DSG4: variants seen among roughly 807,000 people sequenced by gnomAD.
DSG4 encodes the protein desmoglein-4.
Under a neutral mutation model 93.1 loss-of-function variants are expected in DSG4, and 87 were observed. The ratio of observed to expected loss-of-function variants is 0.93; its 90% CI spans 0.79 to 1.12. The LOEUF is 1.12. Ranked by LOEUF, DSG4 falls within the 50% of genes most tolerant of loss-of-function variation. The probability of loss-of-function intolerance (pLI) is 0.00; values close to 1 mark genes in which losing one functional copy is unlikely to be tolerated. For missense variants in DSG4, 1,373 were observed against 1,285.7 expected, an observed-to-expected ratio of 1.07 and a Z score of -1.04; for synonymous variants, 432 against 452.9, an observed-to-expected ratio of 0.95 and a Z score of 0.59.
chr18:31,388,242 G>C (rs977383449), intron 3 of DSG4, 125 bp from the exon 4 acceptor site: 1 of 1,078,326 alleles, frequency 9.3e-7, no homozygotes. Flanking sequence ...ACAGGACTAA[G>C]TCATGGTGTC....
chr18:31,397,799 G>T (rs538995410), intron 8 of DSG4, among the ~76,000 whole-genome samples: 81 of 152,242 alleles, frequency 5.3e-4, no homozygotes, highest in Admixed American at 1.7e-3. Flanking sequence ...GGCCAAGGCA[G>T]GTGGATCACC....
intron 2 of DSG4, among the ~76,000 whole-genome samples, chr18:31,385,957 A>G (rs1279750069): frequency 6.6e-6 from 1 of 152,126 alleles, no homozygotes; most frequent in Non-Finnish European, 1.5e-5. Flanking sequence ...GTATACAAAT[A>G]GGCTTGCACA....
At chr18:31,394,622 A>G (rs2072285569) in intron 8 of DSG4, among the ~76,000 whole-genome samples, 1 of 151,764 alleles carries the variant, frequency 6.6e-6, no homozygotes, top group Non-Finnish European at 1.5e-5. Flanking sequence ...AATTATTATG[A>G]TATTAATTAA....
chr18:31,396,061 A>C (rs549010137), intron 8 of DSG4, among the ~76,000 whole-genome samples: 2 of 152,206 alleles, frequency 1.3e-5, no homozygotes, highest in African/African-American at 4.8e-5. Context: ...CTCTCTGTCA[A>C]TAACAGCCTC....
chr18:31,413,422 G>A lies in DSG4; in HGVS notation c.2950G>A (p.Glu984Lys). 1.9e-6 allele frequency: 3 copies of A among 1,613,814 alleles called. No individual in the cohort carries two copies. The highest frequency in any genetic ancestry group is 2.5e-6 in the Non-Finnish European group (3 of 1,179,798). The change falls in exon 16 of 16, where the codon GAG becomes AAG. Residue 984 changes from glutamate to lysine, a missense_variant. Glu to Lys is a moderately conservative substitution (Grantham distance 56). Transcript: ENST00000308128. ...TGACATGAGCAATAGTAGCACGACT[G>A]AGGGTTGTATGGGACCTGTGATGAG... Reference protein sequence around the residue: ...VPDMSNSSTTEGCMGPVMSGN... With the variant: ...VPDMSNSSTTKGCMGPVMSGN...
intron 14 of DSG4, among the ~76,000 whole-genome samples, chr18:31,410,803 A>T (rs1290669604): frequency 6.6e-6 from 1 of 152,170 alleles, no homozygotes; most frequent in Admixed American, 6.5e-5. Context: ...GTGACTGAAC[A>T]TCCCTGTGAG....
intron 8 of DSG4, among the ~76,000 whole-genome samples, chr18:31,393,864 G>T (rs931774993): frequency 2.6e-5 from 4 of 151,926 alleles, no homozygotes; most frequent in African/African-American, 9.7e-5. Flanking sequence ...GAAATCATAT[G>T]GTATATTAAC....
At position 31,411,239 on chromosome 18, in the gene DSG4, A is replaced by T; in HGVS notation, c.2146A>T (p.Thr716Ser). The T allele has an allele frequency of 1.9e-6, 3 of 1,613,920 alleles. No individual in the cohort carries two copies. Among genetic ancestry groups the T allele is most frequent in the Non-Finnish European group, 2.5e-6 (3 of 1,180,002 alleles). ...ACATCCTCCCTTTTCAGAAATCTAC[A>T]CCAACACCTATGCAGCCGGGGGCAC... ...QDRMDSSEIY[T>S]NTYAAGGTVE... is the part of the protein sequence containing the mutation. Residue 716 changes from threonine to serine, a missense_variant, in exon 15 of 16, where the codon ACC becomes TCC. Thr to Ser is a moderately conservative substitution (Grantham distance 58). Transcript: ENST00000308128.
rs1017737867 is a variant in DSG4, at chr18:31,390,919, G to A, written c.684+97G>A. 4.0e-6 allele frequency: 6 copies of A among 1,515,090 alleles called. No individual in the cohort carries two copies. In the African/African-American group the frequency reaches 7.0e-5, roughly 18 times the overall value. The allele number at this position is 1,515,090 out of a possible 1,614,324, so 93.9% of individuals were successfully genotyped here. On this transcript the variant is annotated intron_variant, in intron 6 of 15. Coordinates refer to ENST00000308128, the MANE Select transcript of DSG4 (RefSeq NM_177986.5). ...TGTACCCTTACTCCAATATAAAGGA[G>A]GGAAGAAAAATAATCCATTTTTAAT...
At chr18:31,392,427 T>TA (rs1320844268) in intron 8 of DSG4, 87 bp downstream of exon 8, 44 of 1,356,694 alleles carry the variant, frequency 3.2e-5, no homozygotes, top group Middle Eastern at 2.1e-4. Flanking sequence ...AATCTGCCTT[T>TA]AAAAAAAAGT....
intron 14 of DSG4, 48 bp from the exon 15 acceptor site, chr18:31,411,183 C>A (rs188617814): frequency 1.5e-5 from 24 of 1,614,240 alleles, no homozygotes; most frequent in African/African-American, 2.7e-5. Context: ...GGCAGATGCG[C>A]GCTGCAGGCA....
chr18:31,388,236 G>T lies in DSG4; in HGVS notation c.217-131G>T, dbSNP rs577916884. The T allele has an allele frequency of 1.9e-5, 19 of 1,008,016 alleles. No individual in the cohort carries two copies. In the African/African-American group the frequency reaches 3.0e-4, roughly 16 times the overall value. The allele number at this position is 1,008,016 out of a possible 1,614,324, so 62.4% of individuals were successfully genotyped here. A position where few individuals can be genotyped will look rare whatever the true frequency, so the allele number is the denominator to read the frequency against. The stretch of plus-strand genomic sequence containing the variant: ...AAGTAAATTTTCCAGGGTCACACAG[G>T]ACTAAGTCATGGTGTCAGGTTTCAA... On this transcript the variant is annotated intron_variant, in intron 3 of 15. Coordinates refer to ENST00000308128, the MANE Select transcript of DSG4 (RefSeq NM_177986.5).
chr18:31,377,018 A>G lies in DSG4; in HGVS notation c.48+59A>G, dbSNP rs1042292317. 82 of 1,566,448 alleles carry G rather than the reference A, an allele frequency of 5.2e-5. No individual in the cohort carries two copies. The Admixed American group carries it at 1.2e-3, about 22-fold the overall frequency. ...CAGCCTCAAGGTCTTGTCTCTGTCAACTGTCGGGCTTTCTACATGGGATTT... is the reference window on the plus strand; with the variant it reads ...CAGCCTCAAGGTCTTGTCTCTGTCAGCTGTCGGGCTTTCTACATGGGATTT... On this transcript the variant is annotated intron_variant, in intron 1 of 15. Transcript: ENST00000308128.
At chr18:31,396,732 A>T (rs1475748938) in intron 8 of DSG4, among the ~76,000 whole-genome samples, 2 of 152,160 alleles carry the variant, frequency 1.3e-5, no homozygotes, top group African/African-American at 4.8e-5. Context: ...CAGGTGGTGA[A>T]TGGCAAAGAC....
chr18:31,385,327 C>A (rs962732099), intron 2 of DSG4, among the ~76,000 whole-genome samples, 156 bp downstream of exon 2: 14 of 152,134 alleles, frequency 9.2e-5, no homozygotes, highest in African/African-American at 3.4e-4. Flanking sequence ...ATGGTAAAAT[C>A]CATGCTCCCA....
chr18:31,408,854 G>A (rs1252319404), intron 12 of DSG4, among the ~76,000 whole-genome samples: 1 of 152,178 alleles, frequency 6.6e-6, no homozygotes, highest in Non-Finnish European at 1.5e-5. Flanking sequence ...CAGAATTGAG[G>A]TGATTATTAG....
At position 31,413,054 on chromosome 18, in the gene DSG4, G is replaced by A; in HGVS notation, c.2582G>A (p.Cys861Tyr). The change falls in exon 16 of 16, where the codon TGT becomes TAT. Residue 861 changes from cysteine (C) to tyrosine (Y), a missense_variant. Transcript: ENST00000308128. ...GAACCATTTCCTTCACACCAGGCTT[G>A]TATACCAATCAGTACTGACCTCCCT... Reference protein sequence around the residue: ...EIEPFPSHQACIPISTDLPLL... With the variant: ...EIEPFPSHQAYIPISTDLPLL... 6.2e-7 allele frequency: 1 copy of A among 1,614,116 alleles called. No homozygotes were observed.
Position 31,412,970 on chromosome 18 carries a change from T to C in DSG4, c.2498T>C (p.Met833Thr). The C allele has an allele frequency of 1.2e-6, 2 of 1,614,174 alleles. No homozygotes were observed. Among genetic ancestry groups the C allele is most frequent in the Non-Finnish European group, 1.7e-6 (2 of 1,180,038 alleles). The change falls in exon 16 of 16, where the codon ATG becomes ACG. Residue 833 changes from methionine (M) to threonine (T), a missense_variant. Coordinates refer to ENST00000308128, the MANE Select transcript of DSG4 (RefSeq NM_177986.5). ...GTGGATGACTTAGATGAAAGCTGCA[T>C]GGAAACTTTAGATCCAAAATTTAGG... is the stretch of plus-strand genomic sequence containing the variant. Reference protein sequence around the residue: ...WIVDDLDESCMETLDPKFRTL... With the variant: ...WIVDDLDESCTETLDPKFRTL...
rs1186402901 is a variant in DSG4 at position 31,391,067 on chromosome 18, T to C, written c.685-11T>C. ...AACCTAAGTCTTACGTTCTTTTTCA[T>C]CTTGATTAAGCAACACAGTATGTAC... is the stretch of plus-strand genomic sequence containing the variant. On this transcript the variant is annotated splice_polypyrimidine_tract_variant and intron_variant, in intron 6 of 15. Transcript: ENST00000308128. 2 of 1,613,410 alleles carry C rather than the reference T, an allele frequency of 1.2e-6. No homozygotes were observed. Among genetic ancestry groups the C allele is most frequent in the African/African-American group, 1.3e-5 (1 of 74,898 alleles).
Sources: allele counts gnomAD v4.1 joint callset (sites outside exome capture counted in the v4.1 genomes callset), GRCh38; gene constraint gnomAD v4.1.1; transcripts MANE v1.5; gene names NCBI Gene and HGNC (gene_info 2026-07-23, HGNC 2026-07-21).